PATJ: variants seen among roughly 807,000 people sequenced by gnomAD.
PATJ encodes the protein inaD-like protein.
A neutral mutation model predicts 224.9 loss-of-function variants in PATJ; 190 were observed. The ratio of observed to expected loss-of-function variants is 0.84; its 90% CI spans 0.75 to 0.95. PATJ has a LOEUF of 0.95. PATJ is among the 40% of genes least tolerant of loss of function. The pLI, the probability that PATJ is intolerant of heterozygous loss-of-function variation, is 0.00. For synonymous variants in PATJ, 769 were observed against 820.3 expected (o/e 0.94, Z 1.07); for missense variants, 2,121 against 2,270.3 (o/e 0.93, Z 1.34).
intron 25 of PATJ, among the ~76,000 whole-genome samples, chr1:61,909,718 T>G (rs765389039): frequency 2.6e-5 from 4 of 152,182 alleles, no homozygotes; most frequent in African/African-American, 4.8e-5. Context: ...TTTTAAAAAA[T>G]TATTTGCTTT....
intron 18 of PATJ, among the ~76,000 whole-genome samples, chr1:61,857,934 T>C (rs1663952379): frequency 6.6e-6 from 1 of 152,240 alleles, no homozygotes; most frequent in African/African-American, 2.4e-5. Flanking sequence ...CTTTAATGTA[T>C]GAAACATTTT....
chr1:61,992,359 C>T (rs1558005906), intron 28 of PATJ, among the ~76,000 whole-genome samples: 1 of 152,096 alleles, frequency 6.6e-6, no homozygotes, highest in Non-Finnish European at 1.5e-5. Context: ...CTCGGGTAAT[C>T]CACCCGCCTC....
intron 28 of PATJ, among the ~76,000 whole-genome samples, chr1:62,011,117 A>G (rs1042213491): frequency 1.2e-4 from 18 of 152,206 alleles, no homozygotes; most frequent in African/African-American, 4.1e-4. Context: ...CTTTCTCCAT[A>G]TTAGCAATTA....
chr1:61,996,741 C>CTTTTTTT (rs56215259), intron 28 of PATJ, among the ~76,000 whole-genome samples: 126 of 97,738 alleles, frequency 1.3e-3, no homozygotes, highest in East Asian at 0.011. Context: ...CTTTTCTTTT[C>CTTTTTTT]TTTTTTTTTT....
At chr1:61,744,846 C>CTATAGGTT (rs1440261841) in intron 1 of PATJ, among the ~76,000 whole-genome samples, 1 of 152,182 alleles carries the variant, frequency 6.6e-6, no homozygotes, top group Non-Finnish European at 1.5e-5. Flanking sequence ...GACTAACCAC[C>CTATAGGTT]TATAAATTGG....
At chr1:62,118,515 A>C (rs1664698516) in intron 37 of PATJ, among the ~76,000 whole-genome samples, 1 of 152,224 alleles carries the variant, frequency 6.6e-6, no homozygotes, top group Non-Finnish European at 1.5e-5. Context: ...AGGCACAAAG[A>C]GGTAACAGGT....
intron 43 of PATJ, among the ~76,000 whole-genome samples, chr1:62,154,990 G>A (rs1669033135): frequency 6.6e-6 from 1 of 152,122 alleles, no homozygotes; most frequent in African/African-American, 2.4e-5. Flanking sequence ...AAACATTCTG[G>A]GTAGCAGAAT....
intron 41 of PATJ, among the ~76,000 whole-genome samples, chr1:62,143,793 G>A (rs1159422896): frequency 6.6e-6 from 1 of 152,116 alleles, no homozygotes. Flanking sequence ...CTGTGGGAAT[G>A]TACATGCTGT....
rs1415721015 is a variant in PATJ, at chr1:61,884,290, G to A, written c.3013G>A (p.Val1005Met). 9.3e-6 allele frequency: 15 copies of A among 1,613,442 alleles called. No homozygotes were observed. In the African/African-American group the frequency reaches 1.6e-4, roughly 17 times the overall value. ...TAGCTTGCTCATTGACCTTCCTGTT[G>A]TGGCTCAAAGGAGGGAGCAAGAAGA... ...GPSLLIDLPV[V>M]AQRREQEDLP... Residue 1005 changes from valine (V) to methionine (M), a missense_variant, in exon 22 of 44, where the codon GTG becomes ATG. By Grantham distance (21) the Val-to-Met change is conservative. Coordinates refer to ENST00000642238, the MANE Select transcript of PATJ (RefSeq NM_001350145.3).
chr1:62,025,514 A>G lies in PATJ; in HGVS notation c.3959+7567A>G, dbSNP rs542530376. ...AATAGCTGAGAGTATCTATGGTACT[A>G]TCTTTTAGAAAGACTCTCTTGGATG... On this transcript the variant is annotated intron_variant, in intron 29 of 43. Transcript: ENST00000642238. Among the ~76,000 whole-genome samples the G allele has an allele frequency of 2.0e-4, 30 of 152,314 alleles. No homozygotes were observed. In the South Asian group the frequency reaches 5.8e-3, roughly 29 times the overall value.
rs775344310 is a variant in PATJ, at chr1:61,899,701, G to A, written c.3203+47G>A. 4 of 1,282,918 alleles carry A rather than the reference G, an allele frequency of 3.1e-6. No individual in the cohort carries two copies. In the African/African-American group the frequency reaches 6.0e-5, roughly 19 times the overall value. The allele number at this position is 1,282,918 out of a possible 1,614,324, so 79.5% of individuals were successfully genotyped here. On this transcript the variant is annotated intron_variant, in intron 23 of 43. Coordinates refer to ENST00000642238, the MANE Select transcript of PATJ (RefSeq NM_001350145.3). The stretch of plus-strand genomic sequence containing the variant: ...GGCTTTCTCAATAGGAGCACAACCA[G>A]TTGCTCTTTTCTTTAACTTAACAGA...
At position 62,106,158 on chromosome 1, in the gene PATJ, G is replaced by GTGTGTATATATA. The variant is rs1356937495; in HGVS notation, c.4378-2278_4378-2277insGTGTATATATAT. Reference sequence around the variant, plus strand: ...TACATGTGTATATGTGTGTGTGTGTGTATATATATATATATATATATATAT... The same window carrying GTGTGTATATATA: ...TACATGTGTATATGTGTGTGTGTGTGTGTGTATATATATATATATATATATATATATATATAT... On this transcript the variant is annotated intron_variant, in intron 33 of 43. Coordinates refer to ENST00000642238, the MANE Select transcript of PATJ (RefSeq NM_001350145.3). 3.3e-4 allele frequency among the ~76,000 whole-genome samples: 16 copies of GTGTGTATATATA among 48,064 alleles called. 1 individual carries two copies. Among genetic ancestry groups the GTGTGTATATATA allele is most frequent in the African/African-American group, 4.9e-4 (7 of 14,188 alleles). The allele number at this position is 48,064 out of a possible 152,430, so 31.5% of individuals were successfully genotyped here. A position where few individuals can be genotyped will look rare whatever the true frequency, so the allele number is the denominator to read the frequency against.
rs1324216874 is a variant in PATJ at position 62,064,574 on chromosome 1, T to G, written c.4125+13516T>G. On this transcript the variant is annotated intron_variant, in intron 31 of 43. Transcript: ENST00000642238. Reference sequence around the variant, plus strand: ...CTCGAACTCCTGGGCTCAAGTGATCTGCCCTCCTTGGCCTCCCAAAGTGCT... The same window carrying G: ...CTCGAACTCCTGGGCTCAAGTGATCGGCCCTCCTTGGCCTCCCAAAGTGCT... 2.6e-5 allele frequency among the ~76,000 whole-genome samples: 4 copies of G among 152,314 alleles called. No homozygotes were observed. In the East Asian group the frequency reaches 7.7e-4, roughly 29 times the overall value.
chr1:61,972,308 T>A (rs569548932), intron 27 of PATJ, among the ~76,000 whole-genome samples: 1 of 152,178 alleles, frequency 6.6e-6, no homozygotes, highest in South Asian at 2.1e-4. Context: ...TTCATGTTGG[T>A]GTACAAAAAG....
At chr1:61,961,231 A>G (rs1681229801) in intron 27 of PATJ, among the ~76,000 whole-genome samples, 1 of 152,042 alleles carries the variant, frequency 6.6e-6, no homozygotes, top group African/African-American at 2.4e-5. Context: ...AGTCAAATGG[A>G]TTCCATAACA....
At chr1:61,869,267 C>T (rs956683356) in intron 20 of PATJ, among the ~76,000 whole-genome samples, 13 of 150,890 alleles carry the variant, frequency 8.6e-5, no homozygotes, top group South Asian at 4.2e-4. Flanking sequence ...CCACTACGCC[C>T]GGCTAATTTT....
chr1:61,853,276 GTTCC>G (rs1261506952), intron 17 of PATJ, among the ~76,000 whole-genome samples: 1 of 152,060 alleles, frequency 6.6e-6, no homozygotes, highest in Non-Finnish European at 1.5e-5. Context: ...CCTTTAGAAT[GTTCC>G]TAAATTATCA....
chr1:61,840,983 A>G (rs541376792), intron 17 of PATJ, among the ~76,000 whole-genome samples: 3 of 152,080 alleles, frequency 2.0e-5, no homozygotes, highest in Non-Finnish European at 4.4e-5. Context: ...TGAATTTGCT[A>G]ATGGTTTTCT....
chr1:61,988,139 C>T (rs6674657), intron 27 of PATJ, among the ~76,000 whole-genome samples: 4,049 of 152,154 alleles, frequency 0.027, 165 homozygotes, highest in African/African-American at 0.094. Context: ...GTGGAGGTTG[C>T]CCTGACCCAA....
Sources: gnomAD v4.1 joint callset for allele counts (sites outside exome capture counted in the v4.1 genomes callset) on GRCh38, gnomAD v4.1.1 for gene constraint, MANE v1.5 for transcripts, NCBI Gene and HGNC (gene_info 2026-07-23, HGNC 2026-07-21) for gene names.